NBEA: variants seen among roughly 807,000 people sequenced by gnomAD.
NBEA encodes neurobeachin.
NBEA carries 44 observed loss-of-function variants against 343.4 expected under a neutral mutation model. The observed-to-expected ratio is 0.13, with a 90% CI of 0.10 to 0.16. The LOEUF is 0.16. Ranked by LOEUF, NBEA falls within the 10% of genes least tolerant of loss-of-function variation. NBEA has a pLI of 1.00. For synonymous variants in NBEA, 1,175 were observed against 1,238.7 expected, an observed-to-expected ratio of 0.95 and a Z score of 1.08; for missense variants, 2,555 against 3,631.3, an observed-to-expected ratio of 0.70 and a Z score of 7.62.
chr13:35,438,476 A>G (rs534091871), intron 39 of NBEA, among the ~76,000 whole-genome samples: 2 of 152,352 alleles, frequency 1.3e-5, no homozygotes, highest in South Asian at 4.1e-4. Flanking sequence ...TCAAGACTTT[A>G]TAGTTCTTAC....
intron 45 of NBEA, among the ~76,000 whole-genome samples, chr13:35,570,973 T>A (rs927007083): frequency 2.6e-5 from 4 of 152,108 alleles, no homozygotes; most frequent in African/African-American, 9.7e-5. Context: ...AATGGAGAGT[T>A]TCTTACTCTT....
At chr13:35,035,848 T>A (rs568168194) in intron 1 of NBEA, among the ~76,000 whole-genome samples, 1 of 152,030 alleles carries the variant, frequency 6.6e-6, no homozygotes, top group African/African-American at 2.4e-5. Flanking sequence ...TTTTTTTGGT[T>A]TTCTTTGGCA....
At chr13:35,469,172 C>T (rs2075535039) in intron 40 of NBEA, among the ~76,000 whole-genome samples, 1 of 148,708 alleles carries the variant, frequency 6.7e-6, no homozygotes, top group African/African-American at 2.5e-5. Context: ...GATTTCTGTG[C>T]TTGAAATTTT....
chr13:35,123,049 T>C (rs555357480), intron 16 of NBEA, among the ~76,000 whole-genome samples: 2 of 152,278 alleles, frequency 1.3e-5, no homozygotes, highest in Admixed American at 1.3e-4. Flanking sequence ...TCCAGCACTT[T>C]GGGAGGCCGA....
intron 48 of NBEA, among the ~76,000 whole-genome samples, chr13:35,610,373 G>A (rs2082454107): frequency 6.6e-6 from 1 of 151,920 alleles, no homozygotes; most frequent in African/African-American, 2.4e-5. Context: ...AGCCGAGATC[G>A]CGCCACTGCA....
At chr13:35,470,713 C>T (rs1396261116) in intron 40 of NBEA, among the ~76,000 whole-genome samples, 1 of 152,168 alleles carries the variant, frequency 6.6e-6, no homozygotes, top group Non-Finnish European at 1.5e-5. Context: ...GGGAGCGGTT[C>T]GAACCGGCCC....
At chr13:35,351,763 A>G (rs1024020329) in intron 37 of NBEA, among the ~76,000 whole-genome samples, 5 of 152,132 alleles carry the variant, frequency 3.3e-5, no homozygotes, top group Admixed American at 3.3e-4. Flanking sequence ...TATAAATTAA[A>G]TGACAGATTT....
intron 38 of NBEA, among the ~76,000 whole-genome samples, chr13:35,417,834 G>T (rs575284051): frequency 3.9e-5 from 6 of 152,254 alleles, no homozygotes; most frequent in Non-Finnish European, 7.4e-5. Flanking sequence ...TGACAGTGGG[G>T]TGTTAAAATC....
chr13:35,505,501 A>G (rs1357410069), intron 41 of NBEA, among the ~76,000 whole-genome samples: 2 of 152,112 alleles, frequency 1.3e-5, no homozygotes, highest in South Asian at 2.1e-4. Flanking sequence ...TTCTCCTTCA[A>G]CTCTTCATTT....
chr13:35,343,774 T>C (rs1362783582), intron 36 of NBEA, among the ~76,000 whole-genome samples: 1 of 152,014 alleles, frequency 6.6e-6, no homozygotes, highest in Admixed American at 6.6e-5. Flanking sequence ...TCTGTCACTA[T>C]CTCCCATCAC....
intron 41 of NBEA, among the ~76,000 whole-genome samples, chr13:35,535,782 CT>C (rs1385421574): frequency 2.6e-5 from 4 of 152,140 alleles, no homozygotes; most frequent in Non-Finnish European, 5.9e-5. Flanking sequence ...AGTCCAAGTT[CT>C]TTCCACTACA....
intron 34 of NBEA, among the ~76,000 whole-genome samples, chr13:35,247,924 G>A (rs909590069): frequency 6.6e-6 from 1 of 152,122 alleles, no homozygotes; most frequent in Non-Finnish European, 1.5e-5. Flanking sequence ...GAAAGAGTAG[G>A]CATTATAACC....
chr13:35,596,058 G>A (rs1235040845), intron 47 of NBEA, among the ~76,000 whole-genome samples: 1 of 151,842 alleles, frequency 6.6e-6, no homozygotes, highest in African/African-American at 2.4e-5. Flanking sequence ...GGTCGTCTTA[G>A]CTTTGTTATG....
At chr13:35,281,467 C>A (rs1011304643) in intron 34 of NBEA, among the ~76,000 whole-genome samples, 7 of 152,234 alleles carry the variant, frequency 4.6e-5, no homozygotes, top group Middle Eastern at 3.4e-3. Context: ...AGTTAATGTG[C>A]TTTTGGAAGT....
intron 36 of NBEA, among the ~76,000 whole-genome samples, chr13:35,347,917 A>G (rs1337523309): frequency 1.3e-5 from 2 of 151,952 alleles, no homozygotes; most frequent in African/African-American, 2.4e-5. Flanking sequence ...GCTCCATGTG[A>G]TGTGGGCTTC....
chr13:35,383,053 A>G (rs74054527), intron 38 of NBEA, among the ~76,000 whole-genome samples: 2,646 of 152,226 alleles, frequency 0.017, 48 homozygotes, highest in African/African-American at 0.044. Context: ...GGCCAGATAC[A>G]CATCTCACTA....
At chr13:35,555,299 C>T (rs570424252) in intron 44 of NBEA, among the ~76,000 whole-genome samples, 197 bp downstream of exon 44, 1 of 152,192 alleles carries the variant, frequency 6.6e-6, no homozygotes, top group South Asian at 2.1e-4. Flanking sequence ...GTTGAAGAGG[C>T]TTTTCCTTGC....
chr13:34,981,917 T>A (rs2060368404), intron 1 of NBEA, among the ~76,000 whole-genome samples: 1 of 152,008 alleles, frequency 6.6e-6, no homozygotes, highest in Non-Finnish European at 1.5e-5. Flanking sequence ...TCTATACTGA[T>A]AATCCTTTCC....
chr13:35,061,988 C>T (rs183909498), intron 8 of NBEA, among the ~76,000 whole-genome samples: 19 of 151,674 alleles, frequency 1.3e-4, no homozygotes, highest in African/African-American at 4.3e-4. Flanking sequence ...AGTAGTCACA[C>T]AATTTAGCAT....
Sources: allele counts gnomAD v4.1 joint callset (sites outside exome capture counted in the v4.1 genomes callset), GRCh38; gene constraint gnomAD v4.1.1; transcripts MANE v1.5; gene names NCBI Gene and HGNC (gene_info 2026-07-23, HGNC 2026-07-21).